Variants in DLGAP2 observed in about 807,000 individuals in gnomAD.
DLGAP2 encodes the protein disks large-associated protein 2.
A neutral mutation model predicts 100.3 loss-of-function variants in DLGAP2; 26 were observed. The ratio of observed to expected loss-of-function variants is 0.26; its 90% CI spans 0.19 to 0.36. The LOEUF (loss-of-function observed/expected upper bound fraction) is 0.36, where lower values mean the gene tolerates loss of function less well. Ranked by LOEUF, DLGAP2 falls within the 10% of genes least tolerant of loss-of-function variation. DLGAP2 has a pLI of 1.00. For synonymous variants in DLGAP2, 886 were observed against 630.1 expected (o/e 1.41, Z -6.08); for missense variants, 1,858 against 1,453.2 (o/e 1.28, Z -4.53).
intron 3 of DLGAP2, among the ~76,000 whole-genome samples, chr8:1,360,389 G>A (rs1055136555): frequency 6.6e-6 from 1 of 152,126 alleles, no homozygotes; most frequent in Admixed American, 6.5e-5. Flanking sequence ...CGCTGCGTCT[G>A]TCTGAGCCTG....
intron 8 of DLGAP2, among the ~76,000 whole-genome samples, chr8:1,638,577 T>C (rs1797823776): frequency 1.3e-5 from 2 of 151,958 alleles, no homozygotes; most frequent in Admixed American, 1.3e-4. Flanking sequence ...GCTCCTCAAA[T>C]AGCACAGGTG....
At chr8:1,690,067 G>A (rs767325462) in intron 12 of DLGAP2, among the ~76,000 whole-genome samples, 2 of 152,186 alleles carry the variant, frequency 1.3e-5, no homozygotes, top group Admixed American at 6.5e-5. Context: ...ACTCAAGAGA[G>A]GGTGTGGGGC....
intron 2 of DLGAP2, among the ~76,000 whole-genome samples, chr8:1,063,015 G>A (rs1262536385): frequency 2.6e-5 from 4 of 152,202 alleles, no homozygotes; most frequent in Admixed American, 6.5e-5. Context: ...CCAGGGACCT[G>A]CAGCTATTAA....
chr8:1,236,314 C>A, intron 2 of DLGAP2, among the ~76,000 whole-genome samples: 1 of 47,792 alleles, frequency 2.1e-5, no homozygotes, highest in African/African-American at 9.5e-5. Context: ...TCTCACATGG[C>A]GCCGTGTCTG....
At chr8:1,142,953 A>G (rs1796546721) in intron 2 of DLGAP2, among the ~76,000 whole-genome samples, 2 of 151,494 alleles carry the variant, frequency 1.3e-5, no homozygotes, top group African/African-American at 2.4e-5. Context: ...ATGTTCTCAT[A>G]GAGACTTTCC....
chr8:1,247,231 C>T (rs199822846), intron 2 of DLGAP2: 88 of 126,436 alleles, frequency 7.0e-4, no homozygotes, highest in African/African-American at 2.5e-3. Context: ...TGATGGTCCA[C>T]GTCGGTGGCC....
At chr8:1,211,513 T>G (rs7828573) in intron 2 of DLGAP2, among the ~76,000 whole-genome samples, 88,609 of 152,192 alleles carry the variant, frequency 0.58, 28,288 homozygotes, top group African/African-American at 0.85. Flanking sequence ...TGTATTTAAA[T>G]TTTCTGTTTG....
intron 3 of DLGAP2, among the ~76,000 whole-genome samples, chr8:1,485,529 T>G (rs1421652085): frequency 6.6e-6 from 1 of 152,232 alleles, no homozygotes; most frequent in Non-Finnish European, 1.5e-5. Context: ...TAAGGAAATT[T>G]GGAGAGGCCG....
chr8:966,218 A>G (rs1166418578), intron 2 of DLGAP2, among the ~76,000 whole-genome samples: 1 of 152,180 alleles, frequency 6.6e-6, no homozygotes, highest in Non-Finnish European at 1.5e-5. Context: ...AGTTTCAGCG[A>G]TTGTTCCAGG....
At chr8:1,182,416 G>A (rs887583285) in intron 2 of DLGAP2, among the ~76,000 whole-genome samples, 4 of 152,212 alleles carry the variant, frequency 2.6e-5, no homozygotes, top group African/African-American at 4.8e-5. Flanking sequence ...GGACCTGAGC[G>A]TGCATTTAAT....
chr8:1,268,637 A>G (rs986570856), intron 3 of DLGAP2, among the ~76,000 whole-genome samples: 9 of 152,198 alleles, frequency 5.9e-5, no homozygotes, highest in African/African-American at 2.2e-4. Context: ...AATTCTTATC[A>G]TCTTCCTTAG....
At chr8:946,384 C>T (rs911394856) in intron 2 of DLGAP2, among the ~76,000 whole-genome samples, 1 of 151,942 alleles carries the variant, frequency 6.6e-6, no homozygotes, top group African/African-American at 2.4e-5. Flanking sequence ...CTGCCTCAGA[C>T]TCCCGAGTGT....
chr8:1,062,084 A>G (rs1803101677), intron 2 of DLGAP2, among the ~76,000 whole-genome samples: 1 of 150,548 alleles, frequency 6.6e-6, no homozygotes, highest in Non-Finnish European at 1.5e-5. Context: ...TGCTTTCTGT[A>G]ATTGATATCC....
chr8:1,555,441 C>T (rs1380952814), intron 5 of DLGAP2, among the ~76,000 whole-genome samples: 2 of 152,212 alleles, frequency 1.3e-5, no homozygotes, highest in Non-Finnish European at 2.9e-5. Flanking sequence ...GTGAGGGGCT[C>T]CTCCACAACT....
intron 3 of DLGAP2, among the ~76,000 whole-genome samples, chr8:1,376,823 C>T (rs970277905): frequency 7.0e-6 from 1 of 143,364 alleles, no homozygotes; most frequent in Non-Finnish European, 1.5e-5. Flanking sequence ...TGGGGTTCTT[C>T]TTGCTACTGC....
chr8:1,681,694 T>A (rs1222738725), intron 12 of DLGAP2, among the ~76,000 whole-genome samples: 1 of 152,152 alleles, frequency 6.6e-6, no homozygotes, highest in Non-Finnish European at 1.5e-5. Flanking sequence ...TGAACACATA[T>A]GATATGTCAG....
intron 2 of DLGAP2, among the ~76,000 whole-genome samples, chr8:1,235,361 G>A (rs73186545): frequency 0.11 from 16,508 of 147,520 alleles, 1,005 homozygotes; most frequent in South Asian, 0.17. Flanking sequence ...CACACGTGGC[G>A]TCGTGTCTAG....
chr8:1,647,302 C>T (rs759471441), intron 8 of DLGAP2, among the ~76,000 whole-genome samples: 4 of 151,692 alleles, frequency 2.6e-5, no homozygotes, highest in Non-Finnish European at 4.4e-5. Context: ...CTGGCTAACA[C>T]GGTGAAACCC....
chr8:1,561,441 C>T (rs1054093571), intron 5 of DLGAP2, among the ~76,000 whole-genome samples: 6 of 152,272 alleles, frequency 3.9e-5, no homozygotes, highest in Middle Eastern at 3.4e-3. Flanking sequence ...GTCCAGCTCA[C>T]GGTCACAGTT....
Sources: gnomAD v4.1 joint callset for allele counts (sites outside exome capture counted in the v4.1 genomes callset) on GRCh38, gnomAD v4.1.1 for gene constraint, MANE v1.5 for transcripts, NCBI Gene and HGNC (gene_info 2026-07-23, HGNC 2026-07-21) for gene names.